The following CRYBA4 variants were observed in gnomAD, a reference collection of about 807,000 sequenced individuals.
CRYBA4 encodes crystallin beta A4.
Under a neutral mutation model 31.7 loss-of-function variants are expected in CRYBA4, and 30 were observed. The observed-to-expected ratio is 0.95, with a 90% CI of 0.71 to 1.28. CRYBA4 has a LOEUF of 1.28. Among genes scored for constraint, CRYBA4 ranks in the 50% most tolerant of loss-of-function variants. The pLI is 0.00. For missense variants in CRYBA4, 225 were observed against 260.7 expected, an observed-to-expected ratio of 0.86 and a Z score of 0.94; for synonymous variants, 102 against 102.3, an observed-to-expected ratio of 1.00 and a Z score of 0.02.
At chr22:26,611,830 C>T in the CRYBA4 span, among the ~76,000 whole-genome samples, 25 of 152,288 alleles carry the variant, frequency 1.6e-4, no homozygotes, top group South Asian at 4.6e-3. Context: ...AGAACCATGG[C>T]TTACTGCCAG....
intron 4 of CRYBA4, among the ~76,000 whole-genome samples, chr22:26,627,456 TTTTC>T (rs1316167741): frequency 0.029 from 3,132 of 106,846 alleles, 129 homozygotes; most frequent in East Asian, 0.099. Flanking sequence ...CCTTCTTTCT[TTTTC>T]TTTCTTTCTT....
At chr22:26,590,447 A>T in the CRYBA4 span, among the ~76,000 whole-genome samples, 1 of 152,210 alleles carries the variant, frequency 6.6e-6, no homozygotes, top group African/African-American at 2.4e-5. Flanking sequence ...AGAAAAGAAA[A>T]GTAGACCCGC....
At chr22:26,601,819 G>C in the CRYBA4 span, 1 of 1,609,268 alleles carries the variant, frequency 6.2e-7, no homozygotes, top group Non-Finnish European at 8.5e-7. Flanking sequence ...AAGGGGAGCA[G>C]CCTCTGATTC....
the CRYBA4 span, among the ~76,000 whole-genome samples, chr22:26,611,668 G>T: frequency 1.4e-4 from 22 of 152,062 alleles, no homozygotes; most frequent in African/African-American, 5.3e-4. Context: ...TAGAGACGGG[G>T]TTTCACCTTG....
rs775074302 is a variant in CRYBA4, at chr22:26,623,223, T to C, written c.40-11T>C. On this transcript the variant is annotated splice_polypyrimidine_tract_variant and intron_variant, in intron 2 of 5. Coordinates refer to ENST00000354760, the MANE Select transcript of CRYBA4 (RefSeq NM_001886.3). ...GATGCGGATCTCCACCTTTTTTTTTTCCTGGCACAGATGGTGGTGTGGGAT... is the reference window on the plus strand; with the variant it reads ...GATGCGGATCTCCACCTTTTTTTTTCCCTGGCACAGATGGTGGTGTGGGAT... The C allele has an allele frequency of 5.5e-5, 89 of 1,608,900 alleles. No homozygotes were observed. The highest frequency in any genetic ancestry group is 7.1e-5 in the Non-Finnish European group (84 of 1,176,832).
chr22:26,606,347 A>G, the CRYBA4 span, among the ~76,000 whole-genome samples: 1 of 152,256 alleles, frequency 6.6e-6, no homozygotes, highest in African/African-American at 2.4e-5. Flanking sequence ...ATATAATGAT[A>G]TCAATGCATT....
At chr22:26,630,205 C>T in intron 5 of CRYBA4, 135 bp from the exon 6 acceptor site, 2 of 1,097,980 alleles carry the variant, frequency 1.8e-6, no homozygotes, top group Admixed American at 2.0e-5. Flanking sequence ...GGGGAGAGAG[C>T]ATGGCACATT....
At chr22:26,610,179 G>T in the CRYBA4 span, among the ~76,000 whole-genome samples, 1 of 151,966 alleles carries the variant, frequency 6.6e-6, no homozygotes, top group South Asian at 2.1e-4. Context: ...AGGGAGAGAG[G>T]GTAGGGCAGG....
the CRYBA4 span, among the ~76,000 whole-genome samples, chr22:26,600,275 A>G: frequency 6.6e-6 from 1 of 152,008 alleles, no homozygotes; most frequent in Non-Finnish European, 1.5e-5. Flanking sequence ...GGTGGTGGGC[A>G]CCTGTAGTCC....
At chr22:26,624,975 G>A (rs898778909) in intron 3 of CRYBA4, among the ~76,000 whole-genome samples, 1 of 152,224 alleles carries the variant, frequency 6.6e-6, no homozygotes, top group Admixed American at 6.5e-5. Context: ...AGGAAAATGA[G>A]AGATGGCCAT....
At chr22:26,598,747 A>G in the CRYBA4 span, among the ~76,000 whole-genome samples, 1 of 152,198 alleles carries the variant, frequency 6.6e-6, no homozygotes, top group Non-Finnish European at 1.5e-5. Context: ...ATAAGGATTT[A>G]TTTACAAATC....
upstream of CRYBA4, among the ~76,000 whole-genome samples, chr22:26,621,775 C>G (rs1387184445): frequency 1.3e-5 from 2 of 152,178 alleles, no homozygotes; most frequent in Non-Finnish European, 2.9e-5. Context: ...CGTGGCTGAT[C>G]CCTGGGGGTG....
the CRYBA4 span, among the ~76,000 whole-genome samples, chr22:26,592,258 C>T: frequency 1.3e-5 from 2 of 152,178 alleles, no homozygotes; most frequent in African/African-American, 4.8e-5. Context: ...TGAATGGGGG[C>T]ATTTGTTTAA....
At chr22:26,610,409 C>T in the CRYBA4 span, among the ~76,000 whole-genome samples, 1 of 152,274 alleles carries the variant, frequency 6.6e-6, no homozygotes, top group African/African-American at 2.4e-5. Flanking sequence ...GGCCCGTTTC[C>T]ATGCCCATCA....
At chr22:26,598,916 G>A in the CRYBA4 span, among the ~76,000 whole-genome samples, 3 of 152,200 alleles carry the variant, frequency 2.0e-5, no homozygotes. Context: ...ACAGGCTCTG[G>A]AGCCAGACAG....
chr22:26,598,529 G>T, the CRYBA4 span, among the ~76,000 whole-genome samples: 3 of 151,984 alleles, frequency 2.0e-5, no homozygotes, highest in African/African-American at 7.2e-5. Flanking sequence ...GATTACAGGC[G>T]CACGCCACCA....
chr22:26,594,757 T>C, the CRYBA4 span, among the ~76,000 whole-genome samples: 2 of 152,106 alleles, frequency 1.3e-5, no homozygotes, highest in Non-Finnish European at 2.9e-5. Flanking sequence ...GCCAAACCCA[T>C]GCAGTCAAAA....
the CRYBA4 span, among the ~76,000 whole-genome samples, chr22:26,598,064 G>A: frequency 6.6e-5 from 10 of 152,094 alleles, no homozygotes; most frequent in East Asian, 1.6e-3. Flanking sequence ...TTATATTTTT[G>A]TAGAGACGGG....
At chr22:26,610,296 G>A in the CRYBA4 span, among the ~76,000 whole-genome samples, 1 of 152,070 alleles carries the variant, frequency 6.6e-6, no homozygotes, top group African/African-American at 2.4e-5. Flanking sequence ...TGGGTTTCAG[G>A]CAGGCAGGCC....
Sources: gnomAD v4.1 joint callset for allele counts (sites outside exome capture counted in the v4.1 genomes callset) on GRCh38, gnomAD v4.1.1 for gene constraint, MANE v1.5 for transcripts, NCBI Gene and HGNC (gene_info 2026-07-23, HGNC 2026-07-21) for gene names.